NRG3: variants seen among roughly 807,000 people sequenced by gnomAD.
NRG3 encodes pro-neuregulin-3, membrane-bound isoform.
NRG3 carries 31 observed loss-of-function variants against 66.9 expected under a neutral mutation model. The observed-to-expected ratio is 0.46, with a 90% CI of 0.35 to 0.63. The LOEUF (loss-of-function observed/expected upper bound fraction) is 0.63, where lower values mean the gene tolerates loss of function less well. Among genes scored for constraint, NRG3 ranks in the 20% least tolerant of loss-of-function variants. The pLI is 0.00. For missense variants in NRG3, 910 were observed against 878.9 expected (o/e 1.04, Z -0.45); for synonymous variants, 393 against 359.4 (o/e 1.09, Z -1.06).
chr10:82,965,686 A>G (rs1379378168), intron 6 of NRG3, among the ~76,000 whole-genome samples: 4 of 152,140 alleles, frequency 2.6e-5, no homozygotes, highest in African/African-American at 9.7e-5. Context: ...CAGTGAGCCG[A>G]GATCAAGACA....
chr10:82,253,337 G>T (rs544752902), intron 1 of NRG3, among the ~76,000 whole-genome samples: 2 of 152,184 alleles, frequency 1.3e-5, no homozygotes, highest in South Asian at 4.1e-4. Context: ...AAACCCACAA[G>T]ATGAACCTTC....
At chr10:81,876,754 G>A (rs207471186) in intron 1 of NRG3, among the ~76,000 whole-genome samples, 1 of 152,124 alleles carries the variant, frequency 6.6e-6, no homozygotes, top group African/African-American at 2.4e-5. Flanking sequence ...AAGCCACTGG[G>A]AGACTTGGGG....
At chr10:82,961,036 G>A (rs191558929) in intron 6 of NRG3, among the ~76,000 whole-genome samples, 4 of 152,212 alleles carry the variant, frequency 2.6e-5, no homozygotes, top group African/African-American at 9.6e-5. Context: ...CCAAAATACT[G>A]CTGGAATTAA....
chr10:81,931,949 G>A (rs1329873809), intron 1 of NRG3, among the ~76,000 whole-genome samples: 6 of 152,146 alleles, frequency 3.9e-5, no homozygotes, highest in Non-Finnish European at 2.9e-5. Context: ...GATAAGGCAC[G>A]TGTATAAGCC....
intron 4 of NRG3, among the ~76,000 whole-genome samples, chr10:82,874,389 G>C (rs1297512267): frequency 1.3e-5 from 2 of 150,474 alleles, no homozygotes; most frequent in South Asian, 4.2e-4. Context: ...AGATAGAACT[G>C]AGGATTCTTT....
At chr10:82,642,998 G>T (rs1237744194) in intron 2 of NRG3, among the ~76,000 whole-genome samples, 1 of 151,914 alleles carries the variant, frequency 6.6e-6, no homozygotes, top group African/African-American at 2.4e-5. Flanking sequence ...TAATTTTAGG[G>T]CGGAAGGTAG....
chr10:82,588,140 C>A (rs1281418617), intron 2 of NRG3, among the ~76,000 whole-genome samples: 3 of 152,146 alleles, frequency 2.0e-5, no homozygotes, highest in African/African-American at 7.2e-5. Context: ...CTACCCAGGA[C>A]CTCCTGGTTC....
intron 1 of NRG3, among the ~76,000 whole-genome samples, chr10:82,079,607 T>C (rs2065279710): frequency 6.6e-6 from 1 of 152,214 alleles, no homozygotes; most frequent in Admixed American, 6.5e-5. Context: ...GTAAAAATTC[T>C]CTGTGCTCTG....
chr10:82,747,484 T>A (rs1443136173), intron 3 of NRG3, among the ~76,000 whole-genome samples: 1 of 152,104 alleles, frequency 6.6e-6, no homozygotes, highest in Admixed American at 6.5e-5. Context: ...AAAATTGATT[T>A]TACTTTTTTC....
chr10:82,804,570 T>C (rs552977852), intron 3 of NRG3, among the ~76,000 whole-genome samples: 8 of 152,324 alleles, frequency 5.3e-5, no homozygotes, highest in African/African-American at 1.9e-4. Context: ...TCATTCTTAT[T>C]GCTATAATCA....
chr10:82,167,398 A>T (rs1477823775), intron 1 of NRG3, among the ~76,000 whole-genome samples: 1 of 152,126 alleles, frequency 6.6e-6, no homozygotes, highest in Non-Finnish European at 1.5e-5. Flanking sequence ...TGACTCTCTC[A>T]ATAGTAAACA....
At chr10:82,386,023 A>G (rs920994455) in intron 2 of NRG3, among the ~76,000 whole-genome samples, 2 of 152,188 alleles carry the variant, frequency 1.3e-5, no homozygotes, top group Non-Finnish European at 2.9e-5. Context: ...TGAAGGAAAA[A>G]AAATCACATC....
At chr10:82,328,081 G>A (rs1033463986) in intron 1 of NRG3, among the ~76,000 whole-genome samples, 1 of 152,276 alleles carries the variant, frequency 6.6e-6, no homozygotes, top group Non-Finnish European at 1.5e-5. Flanking sequence ...GGCAAGGGTT[G>A]TGGGGGGGCA....
intron 1 of NRG3, among the ~76,000 whole-genome samples, chr10:82,210,205 A>C (rs2075330244): frequency 6.6e-6 from 1 of 152,172 alleles, no homozygotes; most frequent in Non-Finnish European, 1.5e-5. Context: ...ATACAGAGTT[A>C]ATATTACCTT....
At chr10:82,612,712 T>C (rs1181648343) in intron 2 of NRG3, among the ~76,000 whole-genome samples, 1 of 152,196 alleles carries the variant, frequency 6.6e-6, no homozygotes, top group African/African-American at 2.4e-5. Context: ...CTTTAAACTT[T>C]CTTCTTAGAT....
chr10:82,248,756 C>T (rs1435683056), intron 1 of NRG3, among the ~76,000 whole-genome samples: 1 of 152,172 alleles, frequency 6.6e-6, no homozygotes, highest in Non-Finnish European at 1.5e-5. Context: ...GCTTCCAGTA[C>T]ATTCTGTACA....
At chr10:82,713,332 A>G (rs1288235955) in intron 2 of NRG3, among the ~76,000 whole-genome samples, 2 of 152,084 alleles carry the variant, frequency 1.3e-5, no homozygotes, top group Non-Finnish European at 2.9e-5. Context: ...GGATAGAAAC[A>G]TGGAGACCAA....
intron 1 of NRG3, among the ~76,000 whole-genome samples, chr10:82,286,205 A>AT (rs2079408216): frequency 6.6e-6 from 1 of 152,200 alleles, no homozygotes; most frequent in Non-Finnish European, 1.5e-5. Context: ...TTTCAAAATG[A>AT]TTTGGCAAAG....
chr10:82,413,570 G>T (rs2088289240), intron 2 of NRG3, among the ~76,000 whole-genome samples: 1 of 152,150 alleles, frequency 6.6e-6, no homozygotes, highest in Non-Finnish European at 1.5e-5. Context: ...TAACAAGAGA[G>T]TCAGCGGTTC....
Sources: allele counts gnomAD v4.1 joint callset (sites outside exome capture counted in the v4.1 genomes callset), GRCh38; gene constraint gnomAD v4.1.1; transcripts MANE v1.5; gene names NCBI Gene and HGNC (gene_info 2026-07-23, HGNC 2026-07-21).